Variants in PTPRD observed in about 807,000 individuals in gnomAD.
PTPRD encodes the protein receptor-type tyrosine-protein phosphatase delta.
In PTPRD, 34 loss-of-function variants were observed where a neutral mutation model predicts 214.5. The observed-to-expected ratio is 0.16, with a 90% CI of 0.12 to 0.21. The LOEUF is 0.21. Ranked by LOEUF, PTPRD falls within the 10% of genes least tolerant of loss-of-function variation. The probability of loss-of-function intolerance (pLI) is 1.00; values close to 1 mark genes in which losing one functional copy is unlikely to be tolerated. For synonymous variants in PTPRD, 1,128 were observed against 845.7 expected, an observed-to-expected ratio of 1.33 and a Z score of -5.79; for missense variants, 2,545 against 2,398.7, an observed-to-expected ratio of 1.06 and a Z score of -1.27.
At chr9:9,898,747 T>G (rs942165647) in intron 5 of PTPRD, among the ~76,000 whole-genome samples, 20 of 152,126 alleles carry the variant, frequency 1.3e-4, no homozygotes, top group Admixed American at 3.3e-4. Flanking sequence ...TATGCTGTAA[T>G]ATATTCCACT....
chr9:8,566,293 G>C (rs759889818), intron 14 of PTPRD, among the ~76,000 whole-genome samples: 2 of 152,060 alleles, frequency 1.3e-5, no homozygotes, highest in East Asian at 3.9e-4. Flanking sequence ...GCCACCCAAA[G>C]AATTGCTGTT....
At chr9:10,396,589 T>C (rs113425007) in intron 2 of PTPRD, among the ~76,000 whole-genome samples, 2 of 152,172 alleles carry the variant, frequency 1.3e-5, no homozygotes, top group African/African-American at 2.4e-5. Context: ...AGAGACAGTG[T>C]AACTGAAATC....
chr9:10,371,975 G>C (rs1648621815), intron 2 of PTPRD, among the ~76,000 whole-genome samples: 1 of 152,018 alleles, frequency 6.6e-6, no homozygotes, highest in African/African-American at 2.4e-5. Context: ...TGAAAGATGT[G>C]ATGCTAATGG....
intron 4 of PTPRD, among the ~76,000 whole-genome samples, chr9:9,956,088 G>A (rs2093909698): frequency 1.3e-5 from 2 of 151,972 alleles, no homozygotes; most frequent in South Asian, 2.1e-4. Context: ...AAAATATATA[G>A]ATTTTGCTCA....
intron 37 of PTPRD, among the ~76,000 whole-genome samples, chr9:8,388,982 C>CTTTTTT (rs34248103): frequency 7.7e-6 from 1 of 130,052 alleles, no homozygotes; most frequent in East Asian, 2.3e-4. Context: ...GTGAATATTC[C>CTTTTTT]TTTTTTTTTT....
At chr9:8,534,562 A>G (rs1431397065) in intron 14 of PTPRD, among the ~76,000 whole-genome samples, 1 of 151,862 alleles carries the variant, frequency 6.6e-6, no homozygotes, top group Non-Finnish European at 1.5e-5. Context: ...TTTCATTAAC[A>G]TAAGAAAACA....
chr9:8,987,505 G>A lies in PTPRD; in HGVS notation c.-104+31192C>T, dbSNP rs182737256. 3.3e-5 allele frequency among the ~76,000 whole-genome samples: 5 copies of A among 152,262 alleles called. No individual in the cohort carries two copies. The East Asian group carries it at 7.7e-4, about 24-fold the overall frequency. On this transcript the variant is annotated intron_variant, in intron 11 of 45. Transcript: ENST00000381196. ...GGTAATCATTTGGAGAGAAGAGAAA[G>A]AAAAGTGCTGTGTTCATGTGTGTTT...
intron 5 of PTPRD, among the ~76,000 whole-genome samples, chr9:9,784,133 G>A (rs1322709416): frequency 6.6e-6 from 1 of 152,070 alleles, no homozygotes; most frequent in Non-Finnish European, 1.5e-5. Flanking sequence ...AGCCATATTT[G>A]CTGTTAATGT....
At chr9:9,827,892 C>T (rs1194444346) in intron 5 of PTPRD, among the ~76,000 whole-genome samples, 4 of 152,116 alleles carry the variant, frequency 2.6e-5, no homozygotes, top group Non-Finnish European at 5.9e-5. Flanking sequence ...AGCCAAAAGA[C>T]ACATGAAAAA....
At chr9:8,836,836 T>C (rs1055279183) in intron 11 of PTPRD, among the ~76,000 whole-genome samples, 2 of 151,762 alleles carry the variant, frequency 1.3e-5, no homozygotes, top group East Asian at 1.9e-4. Context: ...GACCTCGTGA[T>C]CCACCCAACA....
intron 8 of PTPRD, among the ~76,000 whole-genome samples, chr9:9,485,030 T>G (rs774901823): frequency 2.0e-5 from 3 of 152,220 alleles, no homozygotes; most frequent in Non-Finnish European, 2.9e-5. Flanking sequence ...ACTGTAAATG[T>G]CACATTGTTC....
At chr9:10,378,915 C>T (rs962364354) in intron 2 of PTPRD, among the ~76,000 whole-genome samples, 1 of 152,000 alleles carries the variant, frequency 6.6e-6, no homozygotes, top group Admixed American at 6.6e-5. Context: ...GTAGTACGGA[C>T]ATTTTAATAA....
intron 3 of PTPRD, among the ~76,000 whole-genome samples, chr9:10,299,829 T>C (rs550616607): frequency 1.3e-5 from 2 of 152,318 alleles, no homozygotes; most frequent in African/African-American, 4.8e-5. Context: ...TTTACATTGC[T>C]ATAATTTATC....
At chr9:10,272,347 G>A (rs796171570) in intron 3 of PTPRD, among the ~76,000 whole-genome samples, 5 of 152,218 alleles carry the variant, frequency 3.3e-5, no homozygotes, top group African/African-American at 1.2e-4. Context: ...TTACATTTAT[G>A]TGTTGATGGA....
intron 2 of PTPRD, among the ~76,000 whole-genome samples, chr9:10,605,352 AC>A (rs1335908271): frequency 2.0e-5 from 3 of 151,866 alleles, no homozygotes; most frequent in Non-Finnish European, 1.5e-5. Flanking sequence ...TGGTGCATAG[AC>A]TGTAAACTGC....
chr9:10,031,645 TA>T (rs1469063311), intron 4 of PTPRD, among the ~76,000 whole-genome samples: 1 of 69,070 alleles, frequency 1.4e-5, no homozygotes, highest in Non-Finnish European at 2.4e-5. Flanking sequence ...TATATATATA[TA>T]TACACACACA....
chr9:8,951,161 G>GTGTGTGTA (rs1356654833), intron 11 of PTPRD, among the ~76,000 whole-genome samples: 6 of 150,306 alleles, frequency 4.0e-5, no homozygotes, highest in Admixed American at 6.7e-5. Context: ...GTGTGTGTAA[G>GTGTGTGTA]AGAGAGAGAG....
intron 5 of PTPRD, among the ~76,000 whole-genome samples, chr9:9,858,062 C>T (rs903502774): frequency 6.6e-6 from 1 of 152,170 alleles, no homozygotes; most frequent in Non-Finnish European, 1.5e-5. Context: ...ACTTGATACT[C>T]TTTTCCTTTA....
At chr9:9,143,821 C>T (rs565572996) in intron 10 of PTPRD, among the ~76,000 whole-genome samples, 2 of 152,130 alleles carry the variant, frequency 1.3e-5, no homozygotes, top group African/African-American at 2.4e-5. Context: ...GTAACATAAC[C>T]GATTATAAAA....
Sources: allele counts gnomAD v4.1 joint callset (sites outside exome capture counted in the v4.1 genomes callset), GRCh38; gene constraint gnomAD v4.1.1; transcripts MANE v1.5; gene names NCBI Gene and HGNC (gene_info 2026-07-23, HGNC 2026-07-21).